CNTNAP4: variants seen among roughly 807,000 people sequenced by gnomAD.
CNTNAP4 encodes the protein contactin-associated protein-like 4.
In CNTNAP4, 98 loss-of-function variants were observed where a neutral mutation model predicts 148.4. That is an observed-to-expected ratio of 0.66 (90% CI 0.56 to 0.78). The LOEUF (loss-of-function observed/expected upper bound fraction) is 0.78, where lower values mean the gene tolerates loss of function less well. Among genes scored for constraint, CNTNAP4 ranks in the 30% least tolerant of loss-of-function variants. The probability of loss-of-function intolerance (pLI) is 0.00; values close to 1 mark genes in which losing one functional copy is unlikely to be tolerated. For missense variants in CNTNAP4, 1,935 were observed against 1,565.6 expected (o/e 1.24, Z -3.98); for synonymous variants, 730 against 565.1 (o/e 1.29, Z -4.14).
intron 3 of CNTNAP4, among the ~76,000 whole-genome samples, chr16:76,392,851 C>G (rs984859736): frequency 2.0e-5 from 3 of 152,100 alleles, no homozygotes; most frequent in South Asian, 2.1e-4. Flanking sequence ...CTTGAAGATG[C>G]CTGTCAATGA....
intron 1 of CNTNAP4, among the ~76,000 whole-genome samples, chr16:76,280,897 A>C (rs569036549): frequency 1.3e-5 from 2 of 152,282 alleles, no homozygotes; most frequent in African/African-American, 4.8e-5. Flanking sequence ...TGGGTACAGT[A>C]GTAAGGCTGA....
chr16:76,426,296 C>G (rs1221748072), intron 3 of CNTNAP4, among the ~76,000 whole-genome samples: 1 of 152,058 alleles, frequency 6.6e-6, no homozygotes, highest in Admixed American at 6.6e-5. Context: ...ATCAGATACC[C>G]TGGGTATTGG....
At chr16:76,508,735 C>G (rs1388949083) in intron 15 of CNTNAP4, among the ~76,000 whole-genome samples, 1 of 86,116 alleles carries the variant, frequency 1.2e-5, no homozygotes, top group African/African-American at 2.7e-5. Context: ...TAATGACTGA[C>G]TTGATACAAA....
At chr16:76,347,137 T>TTGTGTGTG (rs56664519) in intron 2 of CNTNAP4, among the ~76,000 whole-genome samples, 2,363 of 149,540 alleles carry the variant, frequency 0.016, 51 homozygotes, top group African/African-American at 0.046. Context: ...AGGCAATTGG[T>TTGTGTGTG]TGTGTGTGTG....
intron 8 of CNTNAP4, among the ~76,000 whole-genome samples, chr16:76,459,799 G>A (rs1219013295): frequency 1.3e-5 from 2 of 152,106 alleles, no homozygotes; most frequent in East Asian, 3.9e-4. Flanking sequence ...GTAAATTCAC[G>A]ACAAAGACTC....
At chr16:76,493,325 A>G (rs1276615840) in intron 13 of CNTNAP4, among the ~76,000 whole-genome samples, 2 of 152,156 alleles carry the variant, frequency 1.3e-5, no homozygotes, top group Admixed American at 6.5e-5. Flanking sequence ...AGGATCTGTG[A>G]CTCAGCACAC....
chr16:76,277,779 T>A, intron 1 of CNTNAP4, 32 bp downstream of exon 1: 2 of 1,339,796 alleles, frequency 1.5e-6, no homozygotes, highest in Non-Finnish European at 2.1e-6. Context: ...TAAAACTTGC[T>A]GGGGGGCTCT....
At chr16:76,445,882 A>T (rs9939341) in intron 4 of CNTNAP4, among the ~76,000 whole-genome samples, 7,096 of 152,236 alleles carry the variant, frequency 0.047, 475 homozygotes, top group African/African-American at 0.15. Context: ...AGTCTGTCTT[A>T]CTGGAATTTT....
chr16:76,356,236 G>T (rs562963841), intron 3 of CNTNAP4, among the ~76,000 whole-genome samples: 2 of 152,188 alleles, frequency 1.3e-5, no homozygotes, highest in South Asian at 4.1e-4. Flanking sequence ...TCTGATAACT[G>T]AGATTTTTGA....
chr16:76,455,562 T>C (rs1174356055), intron 8 of CNTNAP4, among the ~76,000 whole-genome samples: 2 of 152,200 alleles, frequency 1.3e-5, no homozygotes, highest in African/African-American at 4.8e-5. Context: ...ACTTCTGCTC[T>C]CCACCAAAGT....
intron 1 of CNTNAP4, among the ~76,000 whole-genome samples, chr16:76,284,683 C>T (rs1958813307): frequency 6.6e-6 from 1 of 151,970 alleles, no homozygotes; most frequent in East Asian, 1.9e-4. Context: ...ATTTTGATGT[C>T]TAAGAGTTTA....
rs142721277 is a variant in CNTNAP4 at position 76,435,989 on chromosome 16, C to A, written c.538+8390C>A. Among the ~76,000 whole-genome samples the A allele has an allele frequency of 7.9e-5, 12 of 152,170 alleles. No individual in the cohort carries two copies. In the East Asian group the frequency reaches 1.7e-3, roughly 22 times the overall value. ...TATAAATTAGAAAACTCAAGAAGTT[C>A]TTTTCAAGTGTAGTGCACCTCCTCA... On this transcript the variant is annotated intron_variant, in intron 4 of 23. Transcript: ENST00000611870.
intron 2 of CNTNAP4, among the ~76,000 whole-genome samples, chr16:76,336,423 A>G (rs377107890): frequency 6.6e-6 from 1 of 152,306 alleles, no homozygotes; most frequent in East Asian, 1.9e-4. Flanking sequence ...ATTGACAAAT[A>G]CTACAAAGCA....
At chr16:76,456,936 G>A (rs2080754889) in intron 8 of CNTNAP4, among the ~76,000 whole-genome samples, 1 of 152,052 alleles carries the variant, frequency 6.6e-6, no homozygotes, top group African/African-American at 2.4e-5. Flanking sequence ...AGAATGATAA[G>A]TTATAGTGAA....
intron 12 of CNTNAP4, among the ~76,000 whole-genome samples, chr16:76,487,788 G>A (rs1205680475): frequency 1.3e-5 from 2 of 152,152 alleles, no homozygotes; most frequent in Non-Finnish European, 2.9e-5. Flanking sequence ...ATTTCAAAAG[G>A]AAACGTTGTT....
chr16:76,350,595 A>G (rs1965290525), intron 2 of CNTNAP4, among the ~76,000 whole-genome samples: 1 of 152,206 alleles, frequency 6.6e-6, no homozygotes, highest in Non-Finnish European at 1.5e-5. Context: ...ATCAGTTACA[A>G]AATTTTTTCA....
intron 21 of CNTNAP4, among the ~76,000 whole-genome samples, chr16:76,542,286 C>G (rs2084495883): frequency 6.6e-6 from 1 of 152,178 alleles, no homozygotes; most frequent in Non-Finnish European, 1.5e-5. Flanking sequence ...GGAGACTATT[C>G]AGCTCTGGGT....
intron 3 of CNTNAP4, among the ~76,000 whole-genome samples, chr16:76,420,471 C>T (rs901161309): frequency 6.6e-5 from 10 of 152,038 alleles, no homozygotes; most frequent in Admixed American, 5.9e-4. Flanking sequence ...CACTATAATT[C>T]CCCACAGATT....
chr16:76,429,390 A>C (rs909002635), intron 4 of CNTNAP4, among the ~76,000 whole-genome samples: 1 of 152,102 alleles, frequency 6.6e-6, no homozygotes, highest in Non-Finnish European at 1.5e-5. Context: ...ATACTTGTCT[A>C]TCACAGTATA....
Sources: allele counts gnomAD v4.1 joint callset (sites outside exome capture counted in the v4.1 genomes callset), GRCh38; gene constraint gnomAD v4.1.1; transcripts MANE v1.5; gene names NCBI Gene and HGNC (gene_info 2026-07-23, HGNC 2026-07-21).